LMLN: variants seen among roughly 807,000 people sequenced by gnomAD.
LMLN encodes the protein leishmanolysin-like peptidase.
A neutral mutation model predicts 92.3 loss-of-function variants in LMLN; 70 were observed. The ratio of observed to expected loss-of-function variants is 0.76; its 90% confidence interval spans 0.63 to 0.92. The LOEUF is 0.92. LMLN is among the 40% of genes least tolerant of loss of function. The pLI is 0.00. For missense variants in LMLN, 691 were observed against 814.6 expected (o/e 0.85, Z 1.85); for synonymous variants, 308 against 296.2 (o/e 1.04, Z -0.41).
In LMLN at chr3:198,019,257, C is replaced by T; in HGVS notation, c.1237C>T (p.Gln413Ter). Residue 413 changes from glutamine (Q) to a stop codon, truncating the protein, a stop_gained, in exon 12 of 16, where the codon CAG becomes TAG. Coordinates refer to ENST00000330198, the Ensembl canonical transcript of LMLN. LOFTEE classifies it high-confidence loss of function. This position sits in a 1 kb window ranked among gnomAD's most constrained non-coding sequence, Gnocchi z 5.5. ...GGTACTTCTCTTTGTTTGCAGGAGA[C>T]AGATGCTGAGCCCTTACTGTGACAC... 6.2e-7 allele frequency: 1 copy of T among 1,611,592 alleles called. No individual in the cohort carries two copies. Among genetic ancestry groups the T allele is most frequent in the Non-Finnish European group, 8.5e-7 (1 of 1,179,366 alleles).
intron 8 of LMLN, among the ~76,000 whole-genome samples, chr3:197,990,048 T>C (rs1041092938): frequency 2.0e-5 from 3 of 151,112 alleles, no homozygotes; most frequent in African/African-American, 4.9e-5. Flanking sequence ...CTTATTTTAT[T>C]TTATTTTATT....
At chr3:197,968,660 C>T (rs11185491) in intron 1 of LMLN, among the ~76,000 whole-genome samples, 6,570 of 152,172 alleles carry the variant, frequency 0.043, 185 homozygotes, top group East Asian at 0.098. Context: ...CCGGTCCCTC[C>T]GTTCAGGGTC....
intron 15 of LMLN, among the ~76,000 whole-genome samples, chr3:198,038,040 C>T (rs1581191032): frequency 6.7e-6 from 1 of 148,418 alleles, no homozygotes; most frequent in African/African-American, 2.4e-5. Context: ...AGTCTGTCTG[C>T]CTGTTGTCGT....
intron 12 of LMLN, among the ~76,000 whole-genome samples, chr3:198,020,352 C>T (rs919112739): frequency 1.3e-5 from 2 of 152,152 alleles, no homozygotes; most frequent in African/African-American, 4.8e-5. Context: ...TCAACTTTAC[C>T]TGCCATTTAT....
intron 1 of LMLN, among the ~76,000 whole-genome samples, chr3:197,970,129 G>A (rs1308357277): frequency 6.6e-6 from 1 of 151,882 alleles, no homozygotes; most frequent in Non-Finnish European, 1.5e-5. Flanking sequence ...TCCAGCCTGG[G>A]CAATAGAGAG....
In LMLN at chr3:198,035,814, AT is replaced by A. The variant is rs750337225; in HGVS notation, c.1657-12del. On this transcript the variant is annotated intron_variant, in intron 14 of 15. Coordinates refer to ENST00000330198, the Ensembl canonical transcript of LMLN. ...TGATATTTATTATTTTTATATATCT[AT>A]TTTTTTCCTGTTTGAAGGTTTCTTG... 4 of 1,573,344 alleles carry A rather than the reference AT, an allele frequency of 2.5e-6. No individual in the cohort carries two copies. The highest frequency in any genetic ancestry group is 1.4e-5 in the African/African-American group (1 of 73,852).
chr3:197,983,961 T>C, exon 7 of LMLN: 1 of 1,612,488 alleles, frequency 6.2e-7, no homozygotes. Flanking sequence ...CAGGATATGC[T>C]AACCTGTGTC....
intron 1 of LMLN, among the ~76,000 whole-genome samples, chr3:197,961,069 C>T (rs1285163573): frequency 6.6e-6 from 1 of 152,166 alleles, no homozygotes; most frequent in Non-Finnish European, 1.5e-5. Context: ...TTTCAAATTC[C>T]CTAACCTCAA....
chr3:197,961,601 A>G (rs1720888339), intron 1 of LMLN, among the ~76,000 whole-genome samples: 1 of 152,118 alleles, frequency 6.6e-6, no homozygotes, highest in Non-Finnish European at 1.5e-5. Flanking sequence ...CTGGTCCCTA[A>G]TACGTTTCGC....
intron 11 of LMLN, among the ~76,000 whole-genome samples, chr3:198,013,252 T>C (rs372276307): frequency 0.013 from 541 of 42,120 alleles, no homozygotes; most frequent in Middle Eastern, 0.071. Flanking sequence ...CCCTTCAGAG[T>C]CCCCTAACTA....
At chr3:198,013,388 C>T (rs1271487604) in intron 11 of LMLN, among the ~76,000 whole-genome samples, 1 of 90,336 alleles carries the variant, frequency 1.1e-5, no homozygotes, top group African/African-American at 6.8e-5. Flanking sequence ...GACTTCTCTC[C>T]ACCCTTTAGA....
intron 14 of LMLN, among the ~76,000 whole-genome samples, chr3:198,033,610 C>G (rs1483827409): frequency 6.6e-6 from 1 of 152,094 alleles, no homozygotes; most frequent in Admixed American, 6.5e-5. Context: ...CCAGGTTGGC[C>G]AGGCTGGTCT....
intron 1 of LMLN, among the ~76,000 whole-genome samples, chr3:197,967,357 A>T (rs1446547468): frequency 3.3e-5 from 5 of 152,218 alleles, no homozygotes; most frequent in Non-Finnish European, 5.9e-5. Flanking sequence ...GCCTCCAGGG[A>T]TGACATCACC....
At chr3:197,985,232 T>C (rs752480882) in intron 7 of LMLN, among the ~76,000 whole-genome samples, 30 of 152,018 alleles carry the variant, frequency 2.0e-4, no homozygotes, top group Non-Finnish European at 4.0e-4. Context: ...TGTTCAGAAG[T>C]GATACCTGAT....
At chr3:198,041,503 A>T (rs1723403106) in exon 16 of LMLN, 1 of 152,206 alleles carries the variant, frequency 6.6e-6, no homozygotes, top group Non-Finnish European at 1.5e-5. Context: ...ACTTGGGTCC[A>T]TGCCCAAGAT....
intron 11 of LMLN, among the ~76,000 whole-genome samples, chr3:198,007,558 G>A (rs1351518580): frequency 1.3e-5 from 2 of 152,182 alleles, no homozygotes; most frequent in Non-Finnish European, 2.9e-5. Flanking sequence ...ATGTGTCCAT[G>A]CCTTCACCAA....
At chr3:197,981,452 T>G (rs1721555648) in intron 6 of LMLN, among the ~76,000 whole-genome samples, 1 of 152,240 alleles carries the variant, frequency 6.6e-6, no homozygotes, top group Non-Finnish European at 1.5e-5. Flanking sequence ...GGCAACAATT[T>G]GAACTTTAAT....
chr3:197,968,678 TC>T (rs1721131678), intron 1 of LMLN, among the ~76,000 whole-genome samples: 1 of 152,208 alleles, frequency 6.6e-6, no homozygotes, highest in Admixed American at 6.5e-5. Context: ...GTCCCTGACT[TC>T]CTGCAACACA....
intron 11 of LMLN, among the ~76,000 whole-genome samples, chr3:198,015,980 C>A (rs1191557140): frequency 6.6e-6 from 1 of 151,988 alleles, no homozygotes; most frequent in Non-Finnish European, 1.5e-5. Context: ...GGGAAGATGG[C>A]TTGAGCCCAG....
Sources: allele counts gnomAD v4.1 joint callset (sites outside exome capture counted in the v4.1 genomes callset), GRCh38; gene constraint gnomAD v4.1.1; non-coding constraint Gnocchi (gnomAD v3.1); transcripts MANE v1.5; gene names NCBI Gene and HGNC (gene_info 2026-07-23, HGNC 2026-07-21).